Variants in CLOCK observed in about 807,000 individuals in gnomAD.
CLOCK encodes the protein clock circadian regulator.
In CLOCK, 43 loss-of-function variants were observed where a neutral mutation model predicts 118.4. The observed-to-expected ratio is 0.36, with a 90% confidence interval of 0.28 to 0.47. The LOEUF (loss-of-function observed/expected upper bound fraction) is 0.47, where lower values mean the gene tolerates loss of function less well. Ranked by LOEUF, CLOCK falls within the 20% of genes least tolerant of loss-of-function variation. The pLI, the probability that CLOCK is intolerant of heterozygous loss-of-function variation, is 1.00. For synonymous variants in CLOCK, 326 were observed against 339.2 expected (o/e 0.96, Z 0.43); for missense variants, 846 against 999.9 (o/e 0.85, Z 2.08).
chr4:55,494,229 C>G (rs1204718772), intron 2 of CLOCK, among the ~76,000 whole-genome samples: 1 of 152,158 alleles, frequency 6.6e-6, no homozygotes, highest in African/African-American at 2.4e-5. Flanking sequence ...CTATACGACT[C>G]TACACCTGGC....
Position 55,444,624 on chromosome 4 carries a change from A to G in CLOCK, c.1692+9T>C. The G allele has an allele frequency of 6.2e-7, 1 of 1,614,058 alleles. No individual in the cohort carries two copies. The highest frequency in any genetic ancestry group is 8.5e-7 in the Non-Finnish European group (1 of 1,179,980). ...GGATGCTTTGTTTGTATTCAAATAT[A>G]ACAATTACCTGCAGCCCCTGACCAT... On this transcript the variant is annotated intron_variant, in intron 19 of 22. Transcript: ENST00000513440.
intron 1 of CLOCK, among the ~76,000 whole-genome samples, chr4:55,535,020 C>G (rs1353622952): frequency 6.6e-6 from 1 of 151,140 alleles, no homozygotes; most frequent in East Asian, 2.0e-4. Flanking sequence ...CCTCAACCTC[C>G]TGGGCTCAAG....
chr4:55,457,044 G>A (rs1724969876), intron 11 of CLOCK, among the ~76,000 whole-genome samples: 1 of 152,096 alleles, frequency 6.6e-6, no homozygotes, highest in African/African-American at 2.4e-5. Context: ...ATAACCTTTA[G>A]ATGCAAGCTT....
intron 13 of CLOCK, among the ~76,000 whole-genome samples, chr4:55,454,123 G>A (rs1724714572): frequency 6.6e-6 from 1 of 152,120 alleles, no homozygotes; most frequent in South Asian, 2.1e-4. Flanking sequence ...TATACAGAGG[G>A]TAATAACAAT....
intron 13 of CLOCK, among the ~76,000 whole-genome samples, chr4:55,455,532 C>T (rs1724862338): frequency 6.6e-6 from 1 of 152,120 alleles, no homozygotes; most frequent in Non-Finnish European, 1.5e-5. Flanking sequence ...CAGACATGTA[C>T]CTAGCTCCTG....
At chr4:55,519,608 G>GAAAATACA (rs993980845) in intron 1 of CLOCK, among the ~76,000 whole-genome samples, 1 of 151,804 alleles carries the variant, frequency 6.6e-6, no homozygotes, top group Non-Finnish European at 1.5e-5. Flanking sequence ...CCAACATGGT[G>GAAAATACA]AAAATACAAA....
intron 2 of CLOCK, among the ~76,000 whole-genome samples, chr4:55,509,052 A>G (rs745587547): frequency 6.6e-6 from 1 of 152,182 alleles, no homozygotes; most frequent in Non-Finnish European, 1.5e-5. Context: ...GGTACTGAAT[A>G]CTCAAGGCAA....
intron 2 of CLOCK, among the ~76,000 whole-genome samples, chr4:55,492,086 A>T (rs966269551): frequency 2.0e-5 from 3 of 152,186 alleles, no homozygotes; most frequent in Admixed American, 6.5e-5. Flanking sequence ...CAAAGACACC[A>T]TAAGAAAAAA....
intron 4 of CLOCK, 61 bp downstream of exon 4, chr4:55,482,678 A>C: frequency 8.9e-7 from 1 of 1,127,844 alleles, no homozygotes. Flanking sequence ...ATAGACCATT[A>C]TTCTAATAGT....
At chr4:55,519,863 G>GAGGGGTGGCAGGGGGTCTTTCCTCTGCC (rs1392797896) in intron 1 of CLOCK, among the ~76,000 whole-genome samples, 1 of 152,154 alleles carries the variant, frequency 6.6e-6, no homozygotes, top group Non-Finnish European at 1.5e-5. Context: ...ATGATGACAG[G>GAGGGGTGGCAGGGGGTCTTTCCTCTGCC]AGGGGTGGCA....
intron 6 of CLOCK, among the ~76,000 whole-genome samples, chr4:55,478,393 T>A (rs999522065): frequency 6.6e-6 from 1 of 152,172 alleles, no homozygotes; most frequent in Non-Finnish European, 1.5e-5. Flanking sequence ...GAAGTCTCCC[T>A]GCCTCTCTGC....
Position 55,453,831 on chromosome 4 carries a change from G to T in CLOCK, c.983-7C>A. On this transcript the variant is annotated splice_region_variant and splice_polypyrimidine_tract_variant and intron_variant, in intron 13 of 22. Coordinates refer to ENST00000513440, the MANE Select transcript of CLOCK (RefSeq NM_004898.4). Reference sequence around the variant, plus strand: ...CCTTTCCCATATTGCATTACTAAAAGGAAAATAGAGAAATATTTTTTCTTT... The same window carrying T: ...CCTTTCCCATATTGCATTACTAAAATGAAAATAGAGAAATATTTTTTCTTT... 6.3e-7 allele frequency: 1 copy of T among 1,579,270 alleles called. No homozygotes were observed. The highest frequency in any genetic ancestry group is 8.6e-7 in the Non-Finnish European group (1 of 1,157,330).
chr4:55,429,890 C>T lies in CLOCK; in HGVS notation c.*5525G>A, dbSNP rs910850495. On this transcript the variant is annotated 3_prime_UTR_variant, in exon 23 of 23. Coordinates refer to ENST00000513440, the MANE Select transcript of CLOCK (RefSeq NM_004898.4). ...CATCTGGAGTTGGCCCCTCCACTGC[C>T]GTCCTGAAGTAAAGTAGATTCAGAC... 1 of 152,124 alleles carries T rather than the reference C, an allele frequency of 6.6e-6. No individual in the cohort carries two copies. The highest frequency in any genetic ancestry group is 2.4e-5 in the African/African-American group (1 of 41,410). 9.4% of individuals were successfully genotyped at this position (152,124 alleles called of 1,614,324 possible).
At chr4:55,446,101 C>CTTTT (rs766235766) in intron 18 of CLOCK, among the ~76,000 whole-genome samples, 5 of 107,370 alleles carry the variant, frequency 4.7e-5, no homozygotes, top group Non-Finnish European at 9.3e-5. Flanking sequence ...AATTTAACTT[C>CTTTT]TTTTTTTTTT....
In CLOCK at chr4:55,467,294, T is replaced by C. The variant is rs538662717; in HGVS notation, c.438+3423A>G. Among the ~76,000 whole-genome samples, 85 of 152,326 alleles carry C rather than the reference T, an allele frequency of 5.6e-4. No individual in the cohort carries two copies. In the Middle Eastern group the frequency reaches 0.01, roughly 18 times the overall value. ...AAATCAAGTAGCACACTCATTTTCA[T>C]ACATTCAACAAATAATCACTGAGTG... On this transcript the variant is annotated intron_variant, in intron 8 of 22. Coordinates refer to ENST00000513440, the MANE Select transcript of CLOCK (RefSeq NM_004898.4).
Position 55,429,319 on chromosome 4 carries a change from A to G in CLOCK, c.*6096T>C, listed in dbSNP as rs571552480. On this transcript the variant is annotated 3_prime_UTR_variant, in exon 23 of 23. Transcript: ENST00000513440. ...TGACGTGCTTTAACTACCGTTCTCTAAGTTGTGTGCTATACCTAGCCTGTG... is the reference window on the plus strand; with the variant it reads ...TGACGTGCTTTAACTACCGTTCTCTGAGTTGTGTGCTATACCTAGCCTGTG... The G allele has an allele frequency of 6.6e-6, 1 of 152,282 alleles. No individual in the cohort carries two copies. Among genetic ancestry groups the G allele is most frequent in the South Asian group, 2.1e-4 (1 of 4,824 alleles). The allele number at this position is 152,282 out of a possible 1,614,324, so 9.4% of individuals were successfully genotyped here.
chr4:55,531,904 A>AAAAAAC (rs937148244), intron 1 of CLOCK, among the ~76,000 whole-genome samples: 2 of 151,336 alleles, frequency 1.3e-5, no homozygotes, highest in South Asian at 2.1e-4. Flanking sequence ...TAAATGTTAA[A>AAAAAAC]AAAAACAAAA....
Position 55,467,260 on chromosome 4 carries a change from A to T in CLOCK, c.439-3455T>A, listed in dbSNP as rs138744166. 7.4e-3 allele frequency among the ~76,000 whole-genome samples: 1,133 copies of T among 152,256 alleles called. 14 individuals carry two copies. The highest frequency in any genetic ancestry group is 8.7e-3 in the Non-Finnish European group (592 of 68,008). On this transcript the variant is annotated intron_variant, in intron 8 of 22. Coordinates refer to ENST00000513440, the MANE Select transcript of CLOCK (RefSeq NM_004898.4). ...CTAAAGATTAGAAAGGGATTTTTTT[A>T]AAACAGTCAAATCAAGTAGCACACT...
At chr4:55,525,259 G>T (rs1240774555) in intron 1 of CLOCK, among the ~76,000 whole-genome samples, 2 of 152,276 alleles carry the variant, frequency 1.3e-5, no homozygotes, top group Admixed American at 1.3e-4. Context: ...GATCACTTGA[G>T]GTTGGGAGTT....
Sources: allele counts gnomAD v4.1 joint callset (sites outside exome capture counted in the v4.1 genomes callset), GRCh38; gene constraint gnomAD v4.1.1; transcripts MANE v1.5; gene names NCBI Gene and HGNC (gene_info 2026-07-23, HGNC 2026-07-21).